Variants in PLCL1 observed in about 807,000 individuals in gnomAD.
PLCL1 encodes inactive phospholipase C-like protein 1.
A neutral mutation model predicts 84.4 loss-of-function variants in PLCL1; 41 were observed. That is an observed-to-expected ratio of 0.49 (90% CI 0.38 to 0.63). The LOEUF is 0.63. Among genes scored for constraint, PLCL1 ranks in the 30% least tolerant of loss-of-function variants. The pLI is 0.00. For missense variants in PLCL1, 1,206 were observed against 1,367.8 expected, an observed-to-expected ratio of 0.88 and a Z score of 1.87; for synonymous variants, 490 against 488.3, an observed-to-expected ratio of 1.00 and a Z score of -0.05.
intron 1 of PLCL1, among the ~76,000 whole-genome samples, chr2:197,910,364 C>T (rs77727917): frequency 0.032 from 4,875 of 152,316 alleles, 112 homozygotes; most frequent in Middle Eastern, 0.061. Flanking sequence ...ACCATCTTGT[C>T]CTACTTGGGC....
intron 1 of PLCL1, among the ~76,000 whole-genome samples, chr2:197,850,608 A>G (rs1405951203): frequency 1.3e-5 from 2 of 152,170 alleles, no homozygotes; most frequent in African/African-American, 2.4e-5. Context: ...GGCCATATAC[A>G]TATCAGGAGA....
At chr2:197,831,712 T>C (rs1335846755) in intron 1 of PLCL1, among the ~76,000 whole-genome samples, 1 of 152,154 alleles carries the variant, frequency 6.6e-6, no homozygotes, top group East Asian at 1.9e-4. Context: ...ATCAACAGAA[T>C]ATACATTCTT....
At chr2:197,843,944 T>C (rs1037731634) in intron 1 of PLCL1, among the ~76,000 whole-genome samples, 19 of 152,166 alleles carry the variant, frequency 1.2e-4, no homozygotes, top group African/African-American at 4.3e-4. Context: ...TTAATAATTA[T>C]TTTACTCATT....
In PLCL1 at chr2:198,084,625, G is replaced by C. The variant is rs563210715; in HGVS notation, c.1108G>C (p.Gly370Arg). The C allele has an allele frequency of 1.2e-6, 2 of 1,614,086 alleles. No homozygotes were observed. The highest frequency in any genetic ancestry group is 2.2e-5 in the South Asian group (2 of 91,074). ...YELSEEGRQKGFLAIDGFTQY... is the reference protein window; with the variant it reads ...YELSEEGRQKRFLAIDGFTQY... The stretch of plus-strand genomic sequence containing the variant: ...ACTTTCTGAAGAGGGACGTCAAAAA[G>C]GGTTTCTTGCAATTGATGGCTTTAC... Residue 370 changes from glycine to arginine, a missense_variant, in exon 2 of 6, where the codon GGG becomes CGG. Coordinates refer to ENST00000428675, the MANE Select transcript of PLCL1 (RefSeq NM_006226.4).
At chr2:197,887,449 A>G (rs952383338) in intron 1 of PLCL1, among the ~76,000 whole-genome samples, 11 of 152,310 alleles carry the variant, frequency 7.2e-5, no homozygotes, top group African/African-American at 2.6e-4. Context: ...GCTGTGTTTA[A>G]GGCTGTGTTT....
intron 4 of PLCL1, among the ~76,000 whole-genome samples, chr2:198,101,653 A>T (rs994046019): frequency 6.6e-6 from 1 of 151,912 alleles, no homozygotes; most frequent in African/African-American, 2.4e-5. Flanking sequence ...CCCCATCAAA[A>T]CCTTCTACTG....
chr2:198,042,799 A>G (rs1574268543), intron 1 of PLCL1, among the ~76,000 whole-genome samples: 1 of 152,208 alleles, frequency 6.6e-6, no homozygotes, highest in Admixed American at 6.5e-5. Flanking sequence ...ATGGAGAAAC[A>G]GAAAAGCAAT....
intron 1 of PLCL1, among the ~76,000 whole-genome samples, chr2:197,954,743 TGG>T (rs1689453180): frequency 6.6e-6 from 1 of 152,064 alleles, no homozygotes; most frequent in Non-Finnish European, 1.5e-5. Context: ...TTTGGTATTC[TGG>T]GATATGCACT....
chr2:198,058,749 A>G (rs1029020347), intron 1 of PLCL1, among the ~76,000 whole-genome samples: 2 of 152,094 alleles, frequency 1.3e-5, no homozygotes, highest in Non-Finnish European at 2.9e-5. Context: ...AGTTTCAAAA[A>G]TTCTCCGTTC....
At chr2:197,919,902 C>T (rs1448017781) in intron 1 of PLCL1, among the ~76,000 whole-genome samples, 1 of 152,152 alleles carries the variant, frequency 6.6e-6, no homozygotes, top group Non-Finnish European at 1.5e-5. Flanking sequence ...TCTTAGATTG[C>T]TTGGGTTTGA....
intron 4 of PLCL1, among the ~76,000 whole-genome samples, chr2:198,102,779 G>C (rs562710777): frequency 5.9e-5 from 9 of 152,172 alleles, no homozygotes; most frequent in African/African-American, 2.2e-4. Flanking sequence ...AGACCTTTTT[G>C]GTCTGTGTCC....
chr2:197,979,817 T>G (rs1006798155), intron 1 of PLCL1, among the ~76,000 whole-genome samples: 1 of 152,140 alleles, frequency 6.6e-6, no homozygotes, highest in South Asian at 2.1e-4. Flanking sequence ...ATTCATTATT[T>G]AATAAAAACT....
chr2:197,944,821 G>A (rs1878732), intron 1 of PLCL1, among the ~76,000 whole-genome samples: 73,447 of 151,934 alleles, frequency 0.48, 18,154 homozygotes, highest in Middle Eastern at 0.58. Flanking sequence ...TCACTGGCTT[G>A]ACTTTTCTTC....
chr2:198,052,591 A>G (rs2105869951), intron 1 of PLCL1, among the ~76,000 whole-genome samples: 1 of 152,258 alleles, frequency 6.6e-6, no homozygotes, highest in East Asian at 1.9e-4. Context: ...TTCAGCACCA[A>G]CCAATACAGG....
At chr2:197,955,282 A>T (rs1366558171) in intron 1 of PLCL1, among the ~76,000 whole-genome samples, 1 of 152,044 alleles carries the variant, frequency 6.6e-6, no homozygotes, top group African/African-American at 2.4e-5. Context: ...TACCAAATAA[A>T]ACCCAAACAC....
intron 1 of PLCL1, among the ~76,000 whole-genome samples, chr2:197,961,270 A>C (rs1689617048): frequency 6.6e-6 from 1 of 150,576 alleles, no homozygotes; most frequent in African/African-American, 2.5e-5. Context: ...AGAGAGAGCG[A>C]GCATGCATAG....
At chr2:198,031,274 G>T (rs113721177) in intron 1 of PLCL1, among the ~76,000 whole-genome samples, 1 of 151,702 alleles carries the variant, frequency 6.6e-6, no homozygotes, top group African/African-American at 2.4e-5. Context: ...CCTGAGAGGC[G>T]TGAGGATTGC....
At chr2:198,072,783 A>G (rs1458715653) in intron 1 of PLCL1, among the ~76,000 whole-genome samples, 3 of 152,044 alleles carry the variant, frequency 2.0e-5, no homozygotes, top group Admixed American at 2.0e-4. Flanking sequence ...ACATTGATGG[A>G]CTGTCTCATG....
intron 1 of PLCL1, among the ~76,000 whole-genome samples, chr2:198,077,812 G>T (rs1692615166): frequency 6.6e-6 from 1 of 152,048 alleles, no homozygotes; most frequent in African/African-American, 2.4e-5. Flanking sequence ...CACTTCCCCT[G>T]ATATTTCATA....
Sources: allele counts gnomAD v4.1 joint callset (sites outside exome capture counted in the v4.1 genomes callset), GRCh38; gene constraint gnomAD v4.1.1; transcripts MANE v1.5; gene names NCBI Gene and HGNC (gene_info 2026-07-23, HGNC 2026-07-21).